ANKRD13C: variants seen among roughly 807,000 people sequenced by gnomAD.
ANKRD13C encodes the protein ankyrin repeat domain-containing protein 13C.
ANKRD13C carries 16 observed loss-of-function variants against 65.5 expected under a neutral mutation model. That is an observed-to-expected ratio of 0.24 (90% CI 0.17 to 0.37). The LOEUF (loss-of-function observed/expected upper bound fraction) is 0.37, where lower values mean the gene tolerates loss of function less well. Ranked by LOEUF, ANKRD13C falls within the 10% of genes least tolerant of loss-of-function variation. The probability of loss-of-function intolerance (pLI) is 1.00; values close to 1 mark genes in which losing one functional copy is unlikely to be tolerated. For synonymous variants in ANKRD13C, 235 were observed against 238.7 expected (o/e 0.98, Z 0.14); for missense variants, 503 against 655.9 (o/e 0.77, Z 2.55).
intron 12 of ANKRD13C, among the ~76,000 whole-genome samples, chr1:70,268,677 C>T (rs1678740142): frequency 6.6e-6 from 1 of 152,070 alleles, no homozygotes; most frequent in Non-Finnish European, 1.5e-5. Context: ...AAGTAAAAAT[C>T]ATCTGCGCTT....
intron 11 of ANKRD13C, among the ~76,000 whole-genome samples, chr1:70,273,300 A>G (rs1678976746): frequency 6.6e-6 from 1 of 152,192 alleles, no homozygotes; most frequent in Admixed American, 6.5e-5. Context: ...TTAATGCATT[A>G]GGCCAGATTT....
chr1:70,316,093 TA>T (rs1681061606), intron 3 of ANKRD13C, among the ~76,000 whole-genome samples: 1 of 152,186 alleles, frequency 6.6e-6, no homozygotes. Flanking sequence ...TAAAAACATA[TA>T]ATTACCTGCA....
intron 1 of ANKRD13C, among the ~76,000 whole-genome samples, chr1:70,350,120 G>A (rs1267447725): frequency 5.9e-5 from 9 of 152,206 alleles, no homozygotes; most frequent in South Asian, 2.1e-4. Flanking sequence ...TCCAACCTGG[G>A]TGACAGAGTG....
chr1:70,340,827 T>G (rs890389650), intron 1 of ANKRD13C, among the ~76,000 whole-genome samples: 2 of 152,100 alleles, frequency 1.3e-5, no homozygotes, highest in Non-Finnish European at 2.9e-5. Flanking sequence ...TTAAAACCTA[T>G]TGGGGGCGGG....
intron 8 of ANKRD13C, among the ~76,000 whole-genome samples, chr1:70,295,172 G>T (rs1680026817): frequency 6.6e-6 from 1 of 151,922 alleles, no homozygotes; most frequent in Admixed American, 6.6e-5. Context: ...ACTTGATGTG[G>T]TCACTTACTG....
At chr1:70,285,437 C>T (rs1041787499) in intron 9 of ANKRD13C, among the ~76,000 whole-genome samples, 11 of 150,912 alleles carry the variant, frequency 7.3e-5, no homozygotes, top group Non-Finnish European at 1.3e-4. Context: ...TCAAGTGATC[C>T]GGTCGCCTCA....
chr1:70,337,303 C>T (rs1480090464), intron 1 of ANKRD13C, among the ~76,000 whole-genome samples: 2 of 152,190 alleles, frequency 1.3e-5, no homozygotes, highest in African/African-American at 2.4e-5. Flanking sequence ...TCTCCATGGC[C>T]GGGCACGGTG....
intron 1 of ANKRD13C, among the ~76,000 whole-genome samples, chr1:70,346,969 GTAGTC>G (rs1411340159): frequency 6.6e-6 from 1 of 151,866 alleles, no homozygotes; most frequent in Non-Finnish European, 1.5e-5. Context: ...GCGGGCGCCT[GTAGTC>G]CCAGCTACTC....
chr1:70,348,347 C>G (rs925681573), intron 1 of ANKRD13C, among the ~76,000 whole-genome samples: 4 of 151,830 alleles, frequency 2.6e-5, no homozygotes, highest in Admixed American at 1.3e-4. Flanking sequence ...AGTGCAATCT[C>G]AGCTCACCCC....
intron 12 of ANKRD13C, among the ~76,000 whole-genome samples, chr1:70,265,864 A>G (rs911525796): frequency 2.0e-5 from 3 of 148,652 alleles, no homozygotes; most frequent in Non-Finnish European, 4.4e-5. Flanking sequence ...AAAGAAAAGA[A>G]AAGAAGAAGG....
rs562151151 is a variant in ANKRD13C at position 70,290,509 on chromosome 1, C to T, written c.1215+1879G>A. Among the ~76,000 whole-genome samples, 529 of 151,552 alleles carry T rather than the reference C, an allele frequency of 3.5e-3. 6 individuals are homozygous for T. The South Asian group carries it at 0.036, about 10-fold the overall frequency. Reference sequence around the variant, plus strand: ...TGTTTCATGAAGTAGTAATGACTCTCAGTATGTGTAATGTGCTCTGATTTT... The same window carrying T: ...TGTTTCATGAAGTAGTAATGACTCTTAGTATGTGTAATGTGCTCTGATTTT... On this transcript the variant is annotated intron_variant, in intron 9 of 12. Transcript: ENST00000370944.
chr1:70,269,265 G>C (rs377581220), intron 12 of ANKRD13C, among the ~76,000 whole-genome samples: 1 of 152,042 alleles, frequency 6.6e-6, no homozygotes, highest in Non-Finnish European at 1.5e-5. Context: ...CTACATCAGA[G>C]AAATGCCTGC....
intron 3 of ANKRD13C, among the ~76,000 whole-genome samples, chr1:70,318,253 G>A (rs1681153280): frequency 6.6e-6 from 1 of 152,124 alleles, no homozygotes; most frequent in Non-Finnish European, 1.5e-5. Flanking sequence ...ATTAGCTTTA[G>A]AGGATTTAGG....
intron 6 of ANKRD13C, among the ~76,000 whole-genome samples, chr1:70,303,332 C>T (rs753329339): frequency 3.5e-4 from 53 of 152,044 alleles, no homozygotes; most frequent in Non-Finnish European, 6.0e-4. Flanking sequence ...TAATTTTTCC[C>T]ATGTAATTAG....
At chr1:70,272,231 CTT>C (rs59343202) in intron 11 of ANKRD13C, among the ~76,000 whole-genome samples, 1 of 139,734 alleles carries the variant, frequency 7.2e-6, no homozygotes, top group Non-Finnish European at 1.6e-5. Flanking sequence ...TTCTCTATTT[CTT>C]TTTTTTTTTG....
rs775426598 is a variant in ANKRD13C at position 70,270,917 on chromosome 1, G to A, written c.1434C>T (p.His478=). 1.2e-6 allele frequency: 2 copies of A among 1,613,304 alleles called. No individual in the cohort carries two copies. The highest frequency in any genetic ancestry group is 2.2e-5 in the South Asian group (2 of 90,992). The change falls in exon 12 of 13, where the codon CAC becomes CAT. Residue 478 remains histidine, a synonymous_variant. Coordinates refer to ENST00000370944, the MANE Select transcript of ANKRD13C (RefSeq NM_030816.5). The stretch of plus-strand genomic sequence containing the variant: ...GAACAAATTCTCTAAGCTTGTTAAA[G>A]TGCTTGAAGGGAGCTACTACTTCTA... The part of the protein sequence containing the change: ...NVLEVVAPFK[H]FNKLREFVQM...
intron 11 of ANKRD13C, 98 bp from the exon 12 acceptor site, chr1:70,271,054 G>C: frequency 1.4e-6 from 1 of 691,444 alleles, no homozygotes. Context: ...CAGTAGTATT[G>C]ACTTCCAGAT....
At chr1:70,320,201 C>T (rs1015768889) in intron 3 of ANKRD13C, among the ~76,000 whole-genome samples, 17 of 152,228 alleles carry the variant, frequency 1.1e-4, no homozygotes, top group South Asian at 2.1e-4. Flanking sequence ...TAGTATCATA[C>T]TGGACCTTAT....
chr1:70,265,824 C>CAAAAAAAAAAAAAAAAAAAAAA (rs775757290), intron 12 of ANKRD13C, among the ~76,000 whole-genome samples: 7 of 35,414 alleles, frequency 2.0e-4, no homozygotes, highest in Admixed American at 3.7e-4. Context: ...GACCTTGCCT[C>CAAAAAAAAAAAAAAAAAAAAAA]AAAAAAAAAA....
Sources: allele counts gnomAD v4.1 joint callset (sites outside exome capture counted in the v4.1 genomes callset), GRCh38; gene constraint gnomAD v4.1.1; transcripts MANE v1.5; gene names NCBI Gene and HGNC (gene_info 2026-07-23, HGNC 2026-07-21).